The following SSBP3 variants were observed in gnomAD, a reference collection of about 807,000 sequenced individuals.
SSBP3 encodes single-stranded DNA-binding protein 3.
Under a neutral mutation model 69.6 loss-of-function variants are expected in SSBP3, and 5 were observed. The ratio of observed to expected loss-of-function variants is 0.07; its 90% CI spans 0.04 to 0.15. The LOEUF is 0.15. Among genes scored for constraint, SSBP3 ranks in the 10% least tolerant of loss-of-function variants. SSBP3 has a pLI of 1.00. For missense variants in SSBP3, 312 were observed against 534.0 expected, an observed-to-expected ratio of 0.58 and a Z score of 4.10; for synonymous variants, 196 against 193.4, an observed-to-expected ratio of 1.01 and a Z score of -0.11.
intron 5 of SSBP3, among the ~76,000 whole-genome samples, chr1:54,280,284 C>T (rs1645366697): frequency 1.3e-5 from 2 of 152,234 alleles, no homozygotes; most frequent in South Asian, 4.1e-4. Flanking sequence ...AGGGAAACCC[C>T]TTTAACATCC....
At position 54,281,542 on chromosome 1, in the gene SSBP3, AG is replaced by A; in HGVS notation, c.277-16del. ...GCTGCTGCACTCTGTGGAGACAACA[AG>A]GCAGAGAGTTAGTGGCCAAACCCAC... On this transcript the variant is annotated splice_polypyrimidine_tract_variant and intron_variant, in intron 4 of 17. Coordinates refer to ENST00000610401, the Ensembl canonical transcript of SSBP3. The A allele has an allele frequency of 2.6e-6, 4 of 1,555,612 alleles. No homozygotes were observed. The highest frequency in any genetic ancestry group is 2.6e-6 in the Non-Finnish European group (3 of 1,149,156).
rs912589421 is a variant in SSBP3, at chr1:54,243,360, G to A, written c.652-61C>T. On this transcript the variant is annotated intron_variant, in intron 9 of 17. Coordinates refer to ENST00000610401, the Ensembl canonical transcript of SSBP3. ...AGGGAACCGGAGACAGGAGGAGGGA[G>A]GAGAAACAAACAGACAAAACATAGT... 6.3e-6 allele frequency: 10 copies of A among 1,587,286 alleles called. No individual in the cohort carries two copies. In the Admixed American group the frequency reaches 1.0e-4, roughly 16 times the overall value.
At position 54,227,166 on chromosome 1, in the gene SSBP3, AAGG is replaced by A. The variant is rs1644298133; in HGVS notation, c.1138-9_1138-7del. The A allele has an allele frequency of 2.4e-6, 2 of 843,224 alleles. No homozygotes were observed. Among genetic ancestry groups the A allele is most frequent in the Admixed American group, 4.4e-5 (2 of 45,244 alleles). The allele number at this position is 843,224 out of a possible 1,614,324, so 52.2% of individuals were successfully genotyped here. A position where few individuals can be genotyped will look rare whatever the true frequency, so the allele number is the denominator to read the frequency against. ...ATCGTCATGCTTGGAGAATACTGGA[AAGG>A]AGAAGCAGAGAAGGGGGGGGGGTGA... On this transcript the variant is annotated splice_polypyrimidine_tract_variant and splice_region_variant and intron_variant, in intron 17 of 17. Transcript: ENST00000610401.
chr1:54,266,953 C>G (rs1645113058), intron 5 of SSBP3, among the ~76,000 whole-genome samples: 1 of 152,212 alleles, frequency 6.6e-6, no homozygotes, highest in South Asian at 2.1e-4. Flanking sequence ...TGATGGTGTC[C>G]CCAGTTTCAT....
intron 4 of SSBP3, among the ~76,000 whole-genome samples, chr1:54,326,093 C>T (rs765074988): frequency 4.6e-5 from 7 of 152,042 alleles, no homozygotes; most frequent in African/African-American, 7.2e-5. Context: ...CAGCAGCAGC[C>T]GCAGCTCAAA....
chr1:54,271,641 A>G (rs1023322910), intron 5 of SSBP3, among the ~76,000 whole-genome samples: 1 of 151,986 alleles, frequency 6.6e-6, no homozygotes, highest in Admixed American at 6.6e-5. Flanking sequence ...TCCCAACCCC[A>G]TGCCTGTGCT....
At chr1:54,305,348 C>CATGGTA (rs1645879944) in intron 4 of SSBP3, among the ~76,000 whole-genome samples, 1 of 149,802 alleles carries the variant, frequency 6.7e-6, no homozygotes, top group Admixed American at 6.6e-5. Flanking sequence ...CCGGCCAGCA[C>CATGGTA]ATGGTAGGGT....
chr1:54,253,186 G>GTTTTTTTTTTTTTTTTTTTTTT (rs1491370826), intron 7 of SSBP3, among the ~76,000 whole-genome samples: 1 of 115,180 alleles, frequency 8.7e-6, no homozygotes. Flanking sequence ...TTTTTTTTTA[G>GTTTTTTTTTTTTTTTTTTTTTT]TTTTTGTTTT....
chr1:54,411,694 C>G (rs1649995099), intron 1 of SSBP3, among the ~76,000 whole-genome samples: 1 of 151,818 alleles, frequency 6.6e-6, no homozygotes, highest in African/African-American at 2.4e-5. Context: ...AAATCGAGAC[C>G]ATCCTGGCTA....
chr1:54,293,191 A>T (rs1023139757), intron 4 of SSBP3, among the ~76,000 whole-genome samples: 1 of 152,164 alleles, frequency 6.6e-6, no homozygotes, highest in African/African-American at 2.4e-5. Flanking sequence ...TACCAGGTGC[A>T]CACAGCAGGG....
chr1:54,405,063 C>T, intron 1 of SSBP3, 133 bp from the exon 2 acceptor site: 1 of 777,906 alleles, frequency 1.3e-6, no homozygotes, highest in South Asian at 1.5e-5. Flanking sequence ...AGGTAAGCAG[C>T]TAGCTCACCC....
intron 4 of SSBP3, among the ~76,000 whole-genome samples, chr1:54,312,258 C>A (rs1375825560): frequency 6.6e-6 from 1 of 151,204 alleles, no homozygotes; most frequent in African/African-American, 2.4e-5. Flanking sequence ...CACTGCACTC[C>A]AGCCTAGGTG....
At chr1:54,317,410 G>A (rs1349057412) in intron 4 of SSBP3, among the ~76,000 whole-genome samples, 4 of 151,950 alleles carry the variant, frequency 2.6e-5, no homozygotes, top group East Asian at 1.9e-4. Context: ...GGTGGCAGGC[G>A]CCTGTGATCC....
chr1:54,325,590 A>T (rs1403424012), intron 4 of SSBP3, among the ~76,000 whole-genome samples: 1 of 152,214 alleles, frequency 6.6e-6, no homozygotes, highest in African/African-American at 2.4e-5. Flanking sequence ...AAAATTCTGT[A>T]TCAGATTACG....
At chr1:54,240,269 G>A in intron 13 of SSBP3, among the ~76,000 whole-genome samples, 1 of 148,628 alleles carries the variant, frequency 6.7e-6, no homozygotes, top group African/African-American at 2.6e-5. Context: ...GGCCAGCCTG[G>A]GTACATGGTG....
intron 4 of SSBP3, among the ~76,000 whole-genome samples, chr1:54,388,989 T>C (rs1429023024): frequency 6.6e-6 from 1 of 152,260 alleles, no homozygotes; most frequent in African/African-American, 2.4e-5. Context: ...ACCAGGTTTC[T>C]GGAAAACTTC....
rs151248274 is a variant in SSBP3 at position 54,363,489 on chromosome 1, T to C, written c.276+38372A>G. On this transcript the variant is annotated intron_variant, in intron 4 of 17. Transcript: ENST00000610401. The stretch of plus-strand genomic sequence containing the variant: ...GATGCCACATCGGACAGTTATAAAT[T>C]AGACAAGTCAACAAATTTACCCTTC... Among the ~76,000 whole-genome samples, 535 of 152,294 alleles carry C rather than the reference T, an allele frequency of 3.5e-3. 6 individuals are homozygous for C. The highest frequency in any genetic ancestry group is 0.02 in the Middle Eastern group (6 of 294).
intron 4 of SSBP3, among the ~76,000 whole-genome samples, chr1:54,341,923 C>T (rs1646615301): frequency 6.6e-6 from 1 of 152,172 alleles, no homozygotes. Flanking sequence ...GTACCTGGCA[C>T]TTCTGAGAAA....
chr1:54,390,471 T>G (rs754885623), intron 4 of SSBP3, among the ~76,000 whole-genome samples: 2 of 152,174 alleles, frequency 1.3e-5, no homozygotes, highest in Non-Finnish European at 2.9e-5. Context: ...TCAACTAGAT[T>G]TAAGTTCATT....
Sources: gnomAD v4.1 joint callset for allele counts (sites outside exome capture counted in the v4.1 genomes callset) on GRCh38, gnomAD v4.1.1 for gene constraint, MANE v1.5 for transcripts, NCBI Gene and HGNC (gene_info 2026-07-23, HGNC 2026-07-21) for gene names.